FRMD5: variants seen among roughly 807,000 people sequenced by gnomAD.
FRMD5 encodes FERM domain-containing protein 5.
FRMD5 carries 20 observed loss-of-function variants against 69.0 expected under a neutral mutation model. The ratio of observed to expected loss-of-function variants is 0.29; its 90% CI spans 0.20 to 0.42. The LOEUF is 0.42. FRMD5 is among the 10% of genes least tolerant of loss of function. FRMD5 has a pLI of 1.00. For missense variants in FRMD5, 595 were observed against 708.6 expected (o/e 0.84, Z 1.82); for synonymous variants, 271 against 260.1 (o/e 1.04, Z -0.40).
intron 1 of FRMD5, among the ~76,000 whole-genome samples, chr15:44,154,583 T>G (rs2077497856): frequency 6.6e-6 from 1 of 152,244 alleles, no homozygotes; most frequent in Non-Finnish European, 1.5e-5. Flanking sequence ...GCTTGGTAGA[T>G]ACTTTTAATC....
chr15:43,884,761 C>G lies in FRMD5; in HGVS notation c.994G>C (p.Ala332Pro). 1 of 1,614,126 alleles carries G rather than the reference C, an allele frequency of 6.2e-7. No homozygotes were observed. The highest frequency in any genetic ancestry group is 8.5e-7 in the Non-Finnish European group (1 of 1,179,990). The change falls in exon 12 of 14, where the codon GCT becomes CCT. Residue 332 changes from alanine (A) to proline (P), a missense_variant. Transcript: ENST00000417257. ...RVAKEVMESS[A>P]KIKREPPEIH... is the part of the protein sequence containing the mutation. ...TCCGGTGGCTCCCGTTTGATCTTAG[C>G]ACTTGATTCCATGACTTCCTTTGCA...
intron 1 of FRMD5, among the ~76,000 whole-genome samples, chr15:44,131,557 G>C (rs371624482): frequency 6.6e-6 from 1 of 152,176 alleles, no homozygotes; most frequent in African/African-American, 2.4e-5. Flanking sequence ...ATCAACAGAT[G>C]AATGAATATG....
At position 44,134,641 on chromosome 15, in the gene FRMD5, G is replaced by C. The variant is rs918540685; in HGVS notation, c.102+60312C>G. On this transcript the variant is annotated intron_variant, in intron 1 of 13. Coordinates refer to ENST00000417257, the MANE Select transcript of FRMD5 (RefSeq NM_032892.5). ...ATTTCTGTATTTTTAGTAGAGACAG[G>C]GTTTCACCATGTTGGCCAGGCTGGT... Among the ~76,000 whole-genome samples the C allele has an allele frequency of 6.6e-5, 10 of 152,108 alleles. 1 individual carries two copies. Among genetic ancestry groups the C allele is most frequent in the Admixed American group, 6.5e-4 (10 of 15,272 alleles).
chr15:44,126,542 G>T (rs563560431), intron 1 of FRMD5, among the ~76,000 whole-genome samples: 17 of 152,238 alleles, frequency 1.1e-4, no homozygotes, highest in Admixed American at 5.2e-4. Context: ...ACAATGACAT[G>T]ATCCTGCCAT....
intron 1 of FRMD5, among the ~76,000 whole-genome samples, chr15:44,070,180 C>T (rs1015860150): frequency 3.3e-5 from 5 of 151,980 alleles, no homozygotes; most frequent in African/African-American, 1.2e-4. Flanking sequence ...ACCTGAAACC[C>T]ATAGGAAACC....
At chr15:43,970,375 A>C (rs1241538297) in intron 1 of FRMD5, among the ~76,000 whole-genome samples, 1 of 152,210 alleles carries the variant, frequency 6.6e-6, no homozygotes, top group African/African-American at 2.4e-5. Context: ...CACTGCATCA[A>C]ATGTTTTTTA....
chr15:44,131,282 C>CA (rs964519724), intron 1 of FRMD5, among the ~76,000 whole-genome samples: 15 of 151,572 alleles, frequency 9.9e-5, no homozygotes, highest in Middle Eastern at 3.4e-3. Flanking sequence ...TGTCTATTAT[C>CA]AAAAAAACAA....
chr15:44,113,897 T>A (rs981613441), intron 1 of FRMD5, among the ~76,000 whole-genome samples: 1 of 152,158 alleles, frequency 6.6e-6, no homozygotes, highest in Non-Finnish European at 1.5e-5. Flanking sequence ...TGCATAACTA[T>A]GAAATATTAA....
At chr15:44,149,696 G>A (rs1277658333) in intron 1 of FRMD5, among the ~76,000 whole-genome samples, 1 of 152,200 alleles carries the variant, frequency 6.6e-6, no homozygotes, top group African/African-American at 2.4e-5. Flanking sequence ...AATACAGCAA[G>A]AAGATGTAAC....
At chr15:44,067,174 G>A (rs1893347012) in intron 1 of FRMD5, among the ~76,000 whole-genome samples, 1 of 152,110 alleles carries the variant, frequency 6.6e-6, no homozygotes, top group African/African-American at 2.4e-5. Flanking sequence ...AGAATTTATG[G>A]CAAATAATCT....
At chr15:43,948,212 G>A (rs2089976417) in intron 1 of FRMD5, among the ~76,000 whole-genome samples, 1 of 152,190 alleles carries the variant, frequency 6.6e-6, no homozygotes, top group Non-Finnish European at 1.5e-5. Flanking sequence ...TAATCATTGT[G>A]CCATATGGCA....
At chr15:44,171,177 T>A (rs1343682292) in intron 1 of FRMD5, among the ~76,000 whole-genome samples, 1 of 152,246 alleles carries the variant, frequency 6.6e-6, no homozygotes, top group African/African-American at 2.4e-5. Context: ...TGCACATTTT[T>A]TGCATAATAT....
intron 1 of FRMD5, among the ~76,000 whole-genome samples, chr15:44,006,015 G>A (rs1451961726): frequency 6.6e-6 from 1 of 152,188 alleles, no homozygotes; most frequent in Non-Finnish European, 1.5e-5. Context: ...AGATTAAACA[G>A]CCTTCCACTG....
chr15:43,905,526 C>T (rs889421231), intron 6 of FRMD5, among the ~76,000 whole-genome samples: 1 of 152,148 alleles, frequency 6.6e-6, no homozygotes, highest in African/African-American at 2.4e-5. Context: ...CATTAAATAT[C>T]ATAGTGAGGC....
intron 6 of FRMD5, among the ~76,000 whole-genome samples, chr15:43,903,871 C>A (rs936400882): frequency 6.6e-6 from 1 of 152,208 alleles, no homozygotes; most frequent in African/African-American, 2.4e-5. Context: ...GCCCTCCAGG[C>A]AGTTCCAGCA....
chr15:44,051,217 T>A (rs1397949849), intron 1 of FRMD5, among the ~76,000 whole-genome samples: 6 of 131,724 alleles, frequency 4.6e-5, no homozygotes, highest in African/African-American at 1.4e-4. Context: ...AGTCATGCAA[T>A]CTCTGCTCAC....
intron 1 of FRMD5, among the ~76,000 whole-genome samples, chr15:43,938,940 C>G (rs1171198525): frequency 1.3e-5 from 2 of 152,070 alleles, no homozygotes; most frequent in Non-Finnish European, 1.5e-5. Flanking sequence ...TGACTCAGTG[C>G]AACCTCCGCC....
intron 1 of FRMD5, among the ~76,000 whole-genome samples, chr15:44,152,085 C>T (rs568471143): frequency 6.6e-6 from 1 of 152,286 alleles, no homozygotes; most frequent in African/African-American, 2.4e-5. Context: ...TGGCGCATGC[C>T]TGTAGTCCCA....
At chr15:43,914,495 T>TCATC (rs1216974437) in intron 4 of FRMD5, among the ~76,000 whole-genome samples, 3 of 152,112 alleles carry the variant, frequency 2.0e-5, no homozygotes, top group Non-Finnish European at 4.4e-5. Flanking sequence ...CATCCATCCA[T>TCATC]CATCCATCCA....
Sources: allele counts gnomAD v4.1 joint callset (sites outside exome capture counted in the v4.1 genomes callset), GRCh38; gene constraint gnomAD v4.1.1; transcripts MANE v1.5; gene names NCBI Gene and HGNC (gene_info 2026-07-23, HGNC 2026-07-21).